Variants in AEBP2 observed in about 807,000 individuals in gnomAD.
AEBP2 encodes the protein AE binding protein 2.
In AEBP2, 10 loss-of-function variants were observed where a neutral mutation model predicts 50.8. The ratio of observed to expected loss-of-function variants is 0.20; its 90% CI spans 0.12 to 0.33. The LOEUF is 0.33. Ranked by LOEUF, AEBP2 falls within the 10% of genes least tolerant of loss-of-function variation. The pLI is 1.00. For synonymous variants in AEBP2, 296 were observed against 261.3 expected, an observed-to-expected ratio of 1.13 and a Z score of -1.28; for missense variants, 570 against 688.0, an observed-to-expected ratio of 0.83 and a Z score of 1.92.
intron 1 of AEBP2, among the ~76,000 whole-genome samples, chr12:19,424,065 G>A (rs1443603339): frequency 2.0e-5 from 3 of 152,126 alleles, no homozygotes; most frequent in Non-Finnish European, 4.4e-5. Context: ...GTTATTTACC[G>A]GGAAGACCTT....
intron 1 of AEBP2, chr12:19,413,194 A>G: frequency 1.3e-6 from 1 of 769,266 alleles, no homozygotes; most frequent in Non-Finnish European, 2.4e-6. Context: ...AGCACAGGGA[A>G]GCAGAAATGA....
intron 1 of AEBP2, among the ~76,000 whole-genome samples, chr12:19,424,524 G>C (rs2095747538): frequency 6.6e-6 from 1 of 151,842 alleles, no homozygotes; most frequent in African/African-American, 2.4e-5. Context: ...AGCCTCCTGA[G>C]TAGCTGGGAC....
rs1403929443 is a variant in AEBP2, at chr12:19,440,712, C to CA, written c.671+343dup. ...GAGCAGAAGAGGGCCTTGATGTACA[C>CA]ACGTCGGTACTCAAGGTTAGCTTCT... is the stretch of plus-strand genomic sequence containing the variant. On this transcript the variant is annotated intron_variant, in intron 1 of 7. Transcript: ENST00000266508. The CA allele has an allele frequency of 4.3e-5, 66 of 1,533,512 alleles. No individual in the cohort carries two copies. In the East Asian group the frequency reaches 1.6e-3, roughly 37 times the overall value. 95.0% of individuals were successfully genotyped at this position (1,533,512 alleles called of 1,614,324 possible).
Position 19,446,038 on chromosome 12 carries a change from T to C in AEBP2, c.671+5668T>C, listed in dbSNP as rs185466086. 17 of 152,346 alleles carry C rather than the reference T, an allele frequency of 1.1e-4. No homozygotes were observed. In the East Asian group the frequency reaches 3.3e-3, roughly 29 times the overall value. 9.4% of individuals were successfully genotyped at this position (152,346 alleles called of 1,614,324 possible). A position where few individuals can be genotyped will look rare whatever the true frequency, so the allele number is the denominator to read the frequency against. ...TGTATTGTTCCAAGTTTATCATATA[T>C]GTTGCTGAAGCAAGCATGCCAGTTA... On this transcript the variant is annotated intron_variant, in intron 1 of 7. Transcript: ENST00000266508.
At chr12:19,510,452 G>C (rs976304408) in intron 5 of AEBP2, among the ~76,000 whole-genome samples, 1 of 152,226 alleles carries the variant, frequency 6.6e-6, no homozygotes, top group African/African-American at 2.4e-5. Flanking sequence ...AGGCAGGAAA[G>C]TGTTGGGATG....
At chr12:19,440,817 A>G (rs1287351985) in intron 1 of AEBP2, 13 of 1,489,990 alleles carry the variant, frequency 8.7e-6, no homozygotes, top group African/African-American at 1.4e-5. Flanking sequence ...TGGATTTAAC[A>G]GAACTTCCTT....
In AEBP2 at chr12:19,440,166, A is replaced by G; in HGVS notation, c.467A>G (p.Glu156Gly). The change falls in exon 1 of 8, where the codon GAG (glutamate) becomes GGG (glycine). Residue 156 changes from glutamate to glycine, a missense_variant. Physicochemically the swap from Glu to Gly is moderately conservative, Grantham distance 98. Coordinates refer to ENST00000266508, the MANE Select transcript of AEBP2 (RefSeq NM_153207.5). ...AGCAGCGGGGATGGGGACGGCAAGG[A>G]GGGCCTGGAGGAGCCCAAGGGACCG... Reference protein sequence around the residue: ...SSSSGDGDGKEGLEEPKGPRG... With the variant: ...SSSSGDGDGKGGLEEPKGPRG... The G allele has an allele frequency of 6.7e-7, 1 of 1,492,496 alleles. No individual in the cohort carries two copies. The highest frequency in any genetic ancestry group is 8.9e-7 in the Non-Finnish European group (1 of 1,129,428). The allele number at this position is 1,492,496 out of a possible 1,614,324, so 92.5% of individuals were successfully genotyped here.
intron 1 of AEBP2, among the ~76,000 whole-genome samples, chr12:19,409,765 G>A (rs560750892): frequency 1.3e-5 from 2 of 152,302 alleles, no homozygotes; most frequent in African/African-American, 2.4e-5. Context: ...TCATTATAAT[G>A]TCGTGGGCTT....
intron 4 of AEBP2, among the ~76,000 whole-genome samples, chr12:19,495,547 CTTT>C (rs35060511): frequency 1.4e-5 from 2 of 140,988 alleles, no homozygotes; most frequent in Admixed American, 7.1e-5. Flanking sequence ...TTCATTCTTG[CTTT>C]TTTTTTTTTT....
At chr12:19,480,749 T>C (rs1367331489) in intron 3 of AEBP2, among the ~76,000 whole-genome samples, 3 of 152,200 alleles carry the variant, frequency 2.0e-5, no homozygotes, top group East Asian at 1.9e-4. Context: ...TTAGATAACC[T>C]GATGACTGTG....
At chr12:19,440,530 C>T (rs887158181) in intron 1 of AEBP2, 160 bp downstream of exon 1, 10 of 1,378,676 alleles carry the variant, frequency 7.3e-6, no homozygotes, top group Non-Finnish European at 9.4e-6. Flanking sequence ...GTCGCCGCCG[C>T]GCCCCTCTCG....
At chr12:19,454,920 A>C (rs918853353) in intron 1 of AEBP2, among the ~76,000 whole-genome samples, 10 of 152,192 alleles carry the variant, frequency 6.6e-5, no homozygotes, top group African/African-American at 2.4e-4. Flanking sequence ...AGTTAACCTC[A>C]GAATAAAATA....
chr12:19,503,697 T>G (rs1467642792), intron 5 of AEBP2, among the ~76,000 whole-genome samples: 3 of 152,034 alleles, frequency 2.0e-5, no homozygotes, highest in Non-Finnish European at 4.4e-5. Context: ...TTTTAAACAT[T>G]TATTTTTATA....
At chr12:19,455,762 G>A (rs1948259056) in intron 1 of AEBP2, among the ~76,000 whole-genome samples, 1 of 152,172 alleles carries the variant, frequency 6.6e-6, no homozygotes, top group African/African-American at 2.4e-5. Context: ...AGAGGAAAAG[G>A]AGAATGTTGT....
intron 4 of AEBP2, among the ~76,000 whole-genome samples, chr12:19,496,579 C>T (rs890830718): frequency 2.0e-5 from 3 of 151,830 alleles, no homozygotes; most frequent in South Asian, 2.1e-4. Context: ...ACAGTTTTTA[C>T]GAAACTGTGA....
At chr12:19,446,271 G>A (rs974008533) in intron 1 of AEBP2, among the ~76,000 whole-genome samples, 8 of 152,320 alleles carry the variant, frequency 5.3e-5, no homozygotes, top group African/African-American at 1.9e-4. Flanking sequence ...AGGCTAAAGA[G>A]ATTATTGTAT....
At chr12:19,469,206 G>A (rs1025200593) in intron 2 of AEBP2, among the ~76,000 whole-genome samples, 3 of 152,144 alleles carry the variant, frequency 2.0e-5, no homozygotes, top group Non-Finnish European at 4.4e-5. Flanking sequence ...GATTACAGGC[G>A]TGAGCCACTG....
intron 1 of AEBP2, among the ~76,000 whole-genome samples, chr12:19,459,269 T>C (rs1400710266): frequency 6.6e-6 from 1 of 152,150 alleles, no homozygotes; most frequent in Non-Finnish European, 1.5e-5. Flanking sequence ...TCTCGCTCTG[T>C]TGCCCAGGCT....
chr12:19,452,525 G>T (rs1220302094), intron 1 of AEBP2, among the ~76,000 whole-genome samples: 1 of 150,798 alleles, frequency 6.6e-6, no homozygotes, highest in African/African-American at 2.4e-5. Context: ...GTTGTTAATG[G>T]TTTTCTTGAA....
Sources: gnomAD v4.1 joint callset for allele counts (sites outside exome capture counted in the v4.1 genomes callset) on GRCh38, gnomAD v4.1.1 for gene constraint, MANE v1.5 for transcripts, NCBI Gene and HGNC (gene_info 2026-07-23, HGNC 2026-07-21) for gene names.